Variants in STIMATE observed in about 807,000 individuals in gnomAD.
STIMATE encodes the protein store-operated calcium entry regulator STIMATE.
In STIMATE, 15 loss-of-function variants were observed where a neutral mutation model predicts 36.7. The ratio of observed to expected loss-of-function variants is 0.41; its 90% CI spans 0.27 to 0.63. STIMATE has a LOEUF of 0.63. Among genes scored for constraint, STIMATE ranks in the 20% least tolerant of loss-of-function variants. STIMATE has a pLI of 0.32. For synonymous variants in STIMATE, 163 were observed against 162.3 expected (o/e 1.00, Z -0.03); for missense variants, 305 against 397.3 (o/e 0.77, Z 1.98).
intron 3 of STIMATE, among the ~76,000 whole-genome samples, chr3:52,851,089 G>C (rs1339078935): frequency 6.6e-6 from 1 of 152,230 alleles, no homozygotes; most frequent in Non-Finnish European, 1.5e-5. Context: ...GGGGGAGTGA[G>C]AGGAGGAGGC....
chr3:52,881,058 A>G (rs1007738741), intron 1 of STIMATE, among the ~76,000 whole-genome samples: 6 of 152,066 alleles, frequency 3.9e-5, no homozygotes, highest in East Asian at 1.9e-4. Flanking sequence ...TGTGGTGGGC[A>G]TGCCTGTAAT....
intron 1 of STIMATE, among the ~76,000 whole-genome samples, chr3:52,866,360 C>A (rs973682510): frequency 1.8e-4 from 27 of 152,246 alleles, no homozygotes; most frequent in Non-Finnish European, 3.8e-4. Flanking sequence ...GCGGGGCTTG[C>A]CACCGTCTAC....
intron 1 of STIMATE, among the ~76,000 whole-genome samples, chr3:52,877,151 C>CTTTA (rs1303705400): frequency 6.6e-6 from 1 of 152,240 alleles, no homozygotes; most frequent in African/African-American, 2.4e-5. Flanking sequence ...TGCCATCACT[C>CTTTA]TTTAACACAG....
intron 1 of STIMATE, among the ~76,000 whole-genome samples, chr3:52,865,920 C>T (rs989976566): frequency 6.7e-6 from 1 of 149,400 alleles, no homozygotes; most frequent in South Asian, 2.1e-4. Context: ...GGGACACAAA[C>T]CGTCACATGC....
chr3:52,855,548 G>T, intron 1 of STIMATE, 104 bp from the exon 2 acceptor site: 1 of 1,490,464 alleles, frequency 6.7e-7, no homozygotes, highest in Non-Finnish European at 9.2e-7. Context: ...GTATAACCAA[G>T]GTAATACACA....
intron 1 of STIMATE, among the ~76,000 whole-genome samples, chr3:52,874,721 C>T (rs140404533): frequency 5.3e-5 from 8 of 152,000 alleles, no homozygotes; most frequent in Admixed American, 3.9e-4. Flanking sequence ...ATTAGCTGGG[C>T]GTGGTGGCTA....
rs777752123 is a variant in STIMATE at position 52,852,715 on chromosome 3, A to G, written c.210-17T>C. ...TCTAAAAACCTGTACAAAATAAACC[A>G]GCACTGGTTATTAGCCTGACAGGAG... On this transcript the variant is annotated splice_polypyrimidine_tract_variant and intron_variant, in intron 2 of 7. Transcript: ENST00000355083. 5 of 1,612,926 alleles carry G rather than the reference A, an allele frequency of 3.1e-6. No homozygotes were observed. Among genetic ancestry groups the G allele is most frequent in the Non-Finnish European group, 4.2e-6 (5 of 1,179,650 alleles).
At chr3:52,853,626 A>G (rs1305464939) in intron 2 of STIMATE, among the ~76,000 whole-genome samples, 1 of 136,368 alleles carries the variant, frequency 7.3e-6, no homozygotes, top group Non-Finnish European at 1.6e-5. Context: ...CAACGTATGT[A>G]AGACTCAAGA....
chr3:52,886,060 C>T lies in STIMATE; in HGVS notation c.160+11231G>A, dbSNP rs185049466. ...CACACAGGAAAGATTCCTCTGGCTTCCAGGACAAGGCCCATGGACTCCAAT... is the reference window on the plus strand; with the variant it reads ...CACACAGGAAAGATTCCTCTGGCTTTCAGGACAAGGCCCATGGACTCCAAT... On this transcript the variant is annotated intron_variant, in intron 1 of 7. Transcript: ENST00000355083. Among the ~76,000 whole-genome samples the T allele has an allele frequency of 4.2e-4, 64 of 152,306 alleles. 1 individual carries two copies. In the East Asian group the frequency reaches 0.01, roughly 24 times the overall value.
chr3:52,870,454 G>A (rs763608963), intron 1 of STIMATE, among the ~76,000 whole-genome samples: 1 of 151,872 alleles, frequency 6.6e-6, no homozygotes, highest in Non-Finnish European at 1.5e-5. Flanking sequence ...CAGGCTGGTC[G>A]GCCTCTGTCA....
rs184328818 is a variant in STIMATE at position 52,870,647 on chromosome 3, C to T, written c.161-15203G>A. 1.1e-4 allele frequency among the ~76,000 whole-genome samples: 17 copies of T among 152,298 alleles called. No homozygotes were observed. The East Asian group carries it at 2.7e-3, about 24-fold the overall frequency. On this transcript the variant is annotated intron_variant, in intron 1 of 7. Coordinates refer to ENST00000355083, the MANE Select transcript of STIMATE (RefSeq NM_198563.5). The stretch of plus-strand genomic sequence containing the variant: ...AGTGAATGCATGGTGTCCTGCTGCG[C>T]GGGCAGGGTGGCCCCATGGGAGGCA...
At chr3:52,844,725 T>A in intron 5 of STIMATE, 104 bp downstream of exon 5, 1 of 1,200,446 alleles carries the variant, frequency 8.3e-7, no homozygotes. Flanking sequence ...TTCATAGAGT[T>A]AAAACAAGTT....
At chr3:52,852,795 C>T in intron 2 of STIMATE, 97 bp from the exon 3 acceptor site, 1 of 1,446,096 alleles carries the variant, frequency 6.9e-7, no homozygotes, top group Non-Finnish European at 9.5e-7. Context: ...AAAGCCACCC[C>T]AACCTTCCAA....
At chr3:52,842,489 C>T (rs1161039154) in intron 7 of STIMATE, among the ~76,000 whole-genome samples, 3 of 152,228 alleles carry the variant, frequency 2.0e-5, no homozygotes, top group African/African-American at 7.2e-5. Flanking sequence ...AGGCCCATGA[C>T]GGTCCTTGCC....
At chr3:52,883,222 C>A (rs933806226) in intron 1 of STIMATE, among the ~76,000 whole-genome samples, 1 of 152,162 alleles carries the variant, frequency 6.6e-6, no homozygotes, top group Non-Finnish European at 1.5e-5. Context: ...GCTATAGAAT[C>A]CTAGATTGAC....
chr3:52,854,956 T>A (rs1379677397), intron 2 of STIMATE, among the ~76,000 whole-genome samples: 1 of 152,208 alleles, frequency 6.6e-6, no homozygotes, highest in Non-Finnish European at 1.5e-5. Context: ...TAGTTTTCCT[T>A]TATGCTAGGA....
chr3:52,860,815 G>A (rs760206369), intron 1 of STIMATE, among the ~76,000 whole-genome samples: 30 of 152,192 alleles, frequency 2.0e-4, no homozygotes, highest in Non-Finnish European at 3.5e-4. Flanking sequence ...GGGCTGACTC[G>A]GGAGGTGGGA....
chr3:52,871,059 C>G (rs974312154), intron 1 of STIMATE, among the ~76,000 whole-genome samples: 1 of 152,132 alleles, frequency 6.6e-6, no homozygotes, highest in African/African-American at 2.4e-5. Context: ...ATCCTGCTCC[C>G]TTCATCGTTG....
chr3:52,894,430 T>C (rs77339109), intron 1 of STIMATE, among the ~76,000 whole-genome samples: 3,767 of 152,142 alleles, frequency 0.025, 180 homozygotes, highest in African/African-American at 0.086. Context: ...AAACCCTACA[T>C]AGTAAGGCAA....
Sources: allele counts gnomAD v4.1 joint callset (sites outside exome capture counted in the v4.1 genomes callset), GRCh38; gene constraint gnomAD v4.1.1; transcripts MANE v1.5; gene names NCBI Gene and HGNC (gene_info 2026-07-23, HGNC 2026-07-21).